SLITRK3: variants seen among roughly 807,000 people sequenced by gnomAD.
The protein encoded by SLITRK3 is SLIT and NTRK like family member 3.
SLITRK3 carries 16 observed loss-of-function variants against 63.6 expected under a neutral mutation model. The ratio of observed to expected loss-of-function variants is 0.25; its 90% confidence interval spans 0.17 to 0.38. SLITRK3 has a LOEUF of 0.38. Ranked by LOEUF, SLITRK3 falls within the 10% of genes least tolerant of loss-of-function variation. The probability of loss-of-function intolerance (pLI) is 1.00; values close to 1 mark genes in which losing one functional copy is unlikely to be tolerated. For synonymous variants in SLITRK3, 547 were observed against 451.6 expected, an observed-to-expected ratio of 1.21 and a Z score of -2.68; for missense variants, 1,117 against 1,181.4, an observed-to-expected ratio of 0.95 and a Z score of 0.80.
In SLITRK3 at chr3:165,191,933, T is replaced by C. The variant is rs73880031; in HGVS notation, c.-21-1082A>G. Reference sequence around the variant, plus strand: ...CAGAAGAAACAAATGCAGTGCACTATTCTGATAACAGTCTTTCTCTATGCA... The same window carrying C: ...CAGAAGAAACAAATGCAGTGCACTACTCTGATAACAGTCTTTCTCTATGCA... On this transcript the variant is annotated intron_variant, in intron 1 of 1. Transcript: ENST00000475390. Among the ~76,000 whole-genome samples, 618 of 152,352 alleles carry C rather than the reference T, an allele frequency of 4.1e-3. 4 individuals carry two copies. The highest frequency in any genetic ancestry group is 0.014 in the African/African-American group (577 of 41,584).
At chr3:165,191,243 G>A (rs1328224904) in intron 1 of SLITRK3, among the ~76,000 whole-genome samples, 3 of 152,202 alleles carry the variant, frequency 2.0e-5, no homozygotes, top group Non-Finnish European at 4.4e-5. Flanking sequence ...AACTCATGTT[G>A]ACATCAAAGA....
chr3:165,194,207 T>C (rs1334864381), intron 1 of SLITRK3, among the ~76,000 whole-genome samples: 1 of 152,192 alleles, frequency 6.6e-6, no homozygotes, highest in Admixed American at 6.5e-5. Context: ...TGAACCTCAA[T>C]TGCCCAAGGA....
Position 165,189,875 on chromosome 3 carries a change from A to G in SLITRK3, c.956T>C (p.Phe319Ser). The G allele has an allele frequency of 6.2e-7, 1 of 1,614,166 alleles. No individual in the cohort carries two copies. Among genetic ancestry groups the G allele is most frequent in the Non-Finnish European group, 8.5e-7 (1 of 1,180,030 alleles). ...KPSSMLSSVH[F>S]TASSVEYKSS... ...CTTGTATTCGACAGAAGAAGCAGTA[A>G]AATGAACAGAGGATAGCATTGAGGA... The change falls in exon 2 of 2, where the codon TTT (phenylalanine) becomes TCT (serine). Residue 319 changes from phenylalanine to serine, a missense_variant. By Grantham distance (155) the Phe-to-Ser change is radical (BLOSUM62 -2). This residue lies in a region of SLITRK3 where 452 missense variants were observed against 495.3 expected (regional missense o/e 0.91). Transcript: ENST00000475390. This position sits in a 1 kb window ranked among gnomAD's most constrained non-coding sequence, Gnocchi z 4.0.
intron 1 of SLITRK3, 63 bp downstream of exon 1, chr3:165,195,517 C>A (rs2108212435): frequency 6.6e-6 from 1 of 152,408 alleles, no homozygotes; most frequent in African/African-American, 2.4e-5. Flanking sequence ...CTACAATGCA[C>A]ATCCTACATA....
In SLITRK3 at chr3:165,195,065, T is replaced by C. The variant is rs146056494; in HGVS notation, c.-22+515A>G. ...CTGCTGGATCTTACAGCTCACTAAT[T>C]TTTTCAGATCTAAGATTAAGTATTC... On this transcript the variant is annotated intron_variant, in intron 1 of 1. Coordinates refer to ENST00000475390, the MANE Select transcript of SLITRK3 (RefSeq NM_001318810.2). Among the ~76,000 whole-genome samples the C allele has an allele frequency of 7.5e-3, 1,144 of 152,142 alleles. 13 individuals are homozygous for C. Among genetic ancestry groups the C allele is most frequent in the African/African-American group, 0.026 (1,085 of 41,492 alleles).
rs933216044 is a variant in SLITRK3, at chr3:165,196,381, C to T, written c.-823G>A. Among the ~76,000 whole-genome samples, 4 of 147,350 alleles carry T rather than the reference C, an allele frequency of 2.7e-5. No homozygotes were observed. The highest frequency in any genetic ancestry group is 1.0e-4 in the African/African-American group (4 of 39,348). ...CGATACCGTTGGCAGAGAGTGAGTC[C>T]TCTGACCGCTCACCATTCAAGCACC... On this transcript the variant is annotated 5_prime_UTR_variant, in exon 1 of 2. Transcript: ENST00000475390.
At position 165,190,465 on chromosome 3, in the gene SLITRK3, A is replaced by T. The variant is rs758499257; in HGVS notation, c.366T>A (p.Asn122Lys). Residue 122 changes from asparagine (N) to lysine (K), a missense_variant, in exon 2 of 2, where the codon AAT (asparagine) becomes AAA (lysine). This residue lies in a region of SLITRK3 where 452 missense variants were observed against 495.3 expected (regional missense o/e 0.91). Transcript: ENST00000475390. ...ATAGTCTCTTTAAAATCTTAAGACCATTGAAAGCTCCAGTCTGAATGTCCT... is the reference window on the plus strand; with the variant it reads ...ATAGTCTCTTTAAAATCTTAAGACCTTTGAAAGCTCCAGTCTGAATGTCCT... ...ALQDIQTGAF[N>K]GLKILKRLYL... 1 of 1,613,932 alleles carries T rather than the reference A, an allele frequency of 6.2e-7. No homozygotes were observed. The highest frequency in any genetic ancestry group is 8.5e-7 in the Non-Finnish European group (1 of 1,180,012).
At position 165,190,283 on chromosome 3, in the gene SLITRK3, T is replaced by C; in HGVS notation, c.548A>G (p.Asn183Ser). ...ATTGGTTGGAAGCATGGGGATGAGATTATCATTTAAAATCAGAACCCTCAA... is the reference window on the plus strand; with the variant it reads ...ATTGGTTGGAAGCATGGGGATGAGACTATCATTTAAAATCAGAACCCTCAA... The part of the protein sequence containing the change: ...SKLRVLILND[N>S]LIPMLPTNLF... The change falls in exon 2 of 2, where the codon AAT becomes AGT. Residue 183 changes from asparagine to serine, a missense_variant. Transcript: ENST00000475390. The C allele has an allele frequency of 6.2e-7, 1 of 1,614,128 alleles. No homozygotes were observed. The highest frequency in any genetic ancestry group is 8.5e-7 in the Non-Finnish European group (1 of 1,179,992).
Position 165,187,809 on chromosome 3 carries a change from A to T in SLITRK3, c.*88T>A. 1 of 1,103,580 alleles carries T rather than the reference A, an allele frequency of 9.1e-7. No individual in the cohort carries two copies. Among genetic ancestry groups the T allele is most frequent in the African/African-American group, 1.6e-5 (1 of 63,354 alleles). The allele number at this position is 1,103,580 out of a possible 1,614,324, so 68.4% of individuals were successfully genotyped here. A position where few individuals can be genotyped will look rare whatever the true frequency, so the allele number is the denominator to read the frequency against. On this transcript the variant is annotated 3_prime_UTR_variant, in exon 2 of 2. Coordinates refer to ENST00000475390, the MANE Select transcript of SLITRK3 (RefSeq NM_001318810.2). The stretch of plus-strand genomic sequence containing the variant: ...AGATCGTGAGGATGGAGTTACTGGG[A>T]CAAGTGTAAAGGGAGCAAGGGATAT...
rs1204385830 is a variant in SLITRK3 at position 165,190,333 on chromosome 3, A to G, written c.498T>C (p.Ser166=). ...ADYNVIKRIE[S]GAFRNLSKLR... The stretch of plus-strand genomic sequence containing the variant: ...ATTTACTTAGGTTCCGAAATGCCCC[A>G]CTCTCAATACGTTTAATGACATTGT... The change falls in exon 2 of 2, where the codon AGT becomes AGC. Residue 166 remains serine, a synonymous_variant. Coordinates refer to ENST00000475390, the MANE Select transcript of SLITRK3 (RefSeq NM_001318810.2). 6.2e-7 allele frequency: 1 copy of G among 1,614,064 alleles called. No individual in the cohort carries two copies.
chr3:165,193,636 T>C (rs942036937), intron 1 of SLITRK3, among the ~76,000 whole-genome samples: 5 of 152,072 alleles, frequency 3.3e-5, no homozygotes, highest in Non-Finnish European at 4.4e-5. Flanking sequence ...AAGCCTTCGA[T>C]AGCCCCTGGA....
intron 1 of SLITRK3, among the ~76,000 whole-genome samples, chr3:165,191,311 G>A (rs920459570): frequency 4.6e-5 from 7 of 152,136 alleles, no homozygotes; most frequent in African/African-American, 1.7e-4. Flanking sequence ...TTGAGTTATA[G>A]GTTTTGATGA....
At position 165,189,156 on chromosome 3, in the gene SLITRK3, G is replaced by A. The variant is rs1035079863; in HGVS notation, c.1675C>T (p.Leu559Phe). 1.2e-6 allele frequency: 2 copies of A among 1,614,182 alleles called. No individual in the cohort carries two copies. The highest frequency in any genetic ancestry group is 1.6e-4 in the Middle Eastern group (1 of 6,062). ...GTGCAGTCCCAAGGATTCTCATTGA[G>A]GTCTATCTGGACAATGGCATTCAAG... ...EHLNAIVQID[L>F]NENPWDCTCD... The change falls in exon 2 of 2, where the codon CTC (leucine) becomes TTC (phenylalanine). Residue 559 changes from leucine to phenylalanine, a missense_variant. Around this residue, in one of 4 missense-constraint regions of SLITRK3, gnomAD observed 158 missense variants for 197.2 expected, o/e 0.80. Transcript: ENST00000475390. The surrounding 1 kb of genome is among the most constrained non-coding windows in gnomAD (Gnocchi z 4.0).
intron 1 of SLITRK3, among the ~76,000 whole-genome samples, chr3:165,194,474 A>G (rs1306085036): frequency 6.6e-6 from 1 of 152,134 alleles, no homozygotes; most frequent in Admixed American, 6.6e-5. Flanking sequence ...AGGAGGGCAG[A>G]ATTTTCTAAC....
At chr3:165,196,903 C>CTCTCTG (rs1553792823), upstream of SLITRK3, 4 of 143,420 alleles carry the variant, frequency 2.8e-5, no homozygotes, top group African/African-American at 5.1e-5. Context: ...CTCTGTCTCT[C>CTCTCTG]TCTCTCTCTC....
intron 1 of SLITRK3, among the ~76,000 whole-genome samples, chr3:165,192,538 T>C (rs920917079): frequency 4.0e-5 from 6 of 151,652 alleles, no homozygotes; most frequent in African/African-American, 1.5e-4. Context: ...TTTTTTGTAA[T>C]TTATTTATTT....
In SLITRK3 at chr3:165,193,309, CT is replaced by C. The variant is rs368652085; in HGVS notation, c.-22+2270del. 6.2e-3 allele frequency among the ~76,000 whole-genome samples: 405 copies of C among 65,218 alleles called. 6 individuals carry two copies. Among genetic ancestry groups the C allele is most frequent in the African/African-American group, 0.022 (372 of 17,148 alleles). The allele number at this position is 65,218 out of a possible 152,430, so 42.8% of individuals were successfully genotyped here. On this transcript the variant is annotated intron_variant, in intron 1 of 1. Transcript: ENST00000475390. ...TCTTTCTTTCTTTCTTTCTTTCTTT[CT>C]TTTTTTTTAAACTCTCAAGGAAACC...
At position 165,187,660 on chromosome 3, in the gene SLITRK3, C is replaced by T. The variant is rs559664851; in HGVS notation, c.*237G>A. 8 of 390,456 alleles carry T rather than the reference C, an allele frequency of 2.0e-5. No homozygotes were observed. The South Asian group carries it at 5.9e-4, about 29-fold the overall frequency. 24.2% of individuals were successfully genotyped at this position (390,456 alleles called of 1,614,324 possible). A position where few individuals can be genotyped will look rare whatever the true frequency, so the allele number is the denominator to read the frequency against. On this transcript the variant is annotated 3_prime_UTR_variant, in exon 2 of 2. Coordinates refer to ENST00000475390, the MANE Select transcript of SLITRK3 (RefSeq NM_001318810.2). ...GATAACATTTGCTGGCAAAAGTCTG[C>T]GAAGGCACTTTCATTGATTAATGAT... is the stretch of plus-strand genomic sequence containing the variant.
intron 1 of SLITRK3, among the ~76,000 whole-genome samples, chr3:165,193,759 A>G (rs1423395426): frequency 6.6e-6 from 1 of 152,076 alleles, no homozygotes; most frequent in Non-Finnish European, 1.5e-5. Flanking sequence ...CGCCACCGGG[A>G]AAGACCTCGC....
Sources: allele counts gnomAD v4.1 joint callset (sites outside exome capture counted in the v4.1 genomes callset), GRCh38; gene constraint gnomAD v4.1.1; regional missense constraint gnomAD v4.1.1; non-coding constraint Gnocchi (gnomAD v3.1); transcripts MANE v1.5; gene names NCBI Gene and HGNC (gene_info 2026-07-23, HGNC 2026-07-21).